The following CYP4V2 variants were observed in gnomAD, a reference collection of about 807,000 sequenced individuals.
The protein encoded by CYP4V2 is cytochrome P450 family 4 subfamily V member 2, also known as cytochrome P450 4V2.
CYP4V2 carries 55 observed loss-of-function variants against 60.8 expected under a neutral mutation model. That is an observed-to-expected ratio of 0.90 (90% CI 0.73 to 1.13). The LOEUF (loss-of-function observed/expected upper bound fraction) is 1.13, where lower values mean the gene tolerates loss of function less well. CYP4V2 is among the 50% of genes most tolerant of loss of function. The pLI is 0.00. For missense variants in CYP4V2, 675 were observed against 662.9 expected (o/e 1.02, Z -0.20); for synonymous variants, 239 against 236.8 (o/e 1.01, Z -0.08).
chr4:186,200,230 C>T (rs1736267499), intron 6 of CYP4V2, among the ~76,000 whole-genome samples: 1 of 151,954 alleles, frequency 6.6e-6, no homozygotes, highest in Non-Finnish European at 1.5e-5. Flanking sequence ...GGTGTTTTGC[C>T]CTCAAATTGC....
intron 8 of CYP4V2, among the ~76,000 whole-genome samples, chr4:186,207,259 A>C (rs949158321): frequency 3.4e-4 from 52 of 151,758 alleles, no homozygotes; most frequent in Non-Finnish European, 5.2e-4. Context: ...ATACAAAAAA[A>C]TTAGCCGGGC....
At chr4:186,199,924 T>TG (rs984856114) in intron 6 of CYP4V2, among the ~76,000 whole-genome samples, 2 of 152,226 alleles carry the variant, frequency 1.3e-5, no homozygotes, top group Admixed American at 6.5e-5. Flanking sequence ...TATGTCCTTG[T>TG]GGTGAAGTAC....
intron 2 of CYP4V2, 140 bp downstream of exon 2, chr4:186,194,752 G>A: frequency 2.6e-6 from 2 of 771,614 alleles, no homozygotes; most frequent in South Asian, 3.2e-5. Flanking sequence ...GACTATATAG[G>A]TGCAATTTAA....
intron 1 of CYP4V2, 152 bp downstream of exon 1, chr4:186,192,189 C>T (rs2126579149): frequency 1.0e-6 from 1 of 1,004,688 alleles, no homozygotes; most frequent in Middle Eastern, 2.0e-4. Flanking sequence ...TAGTCGTTGC[C>T]CCTTGGCACC....
intron 7 of CYP4V2, chr4:186,204,875 G>A (rs1260376555): frequency 5.1e-6 from 2 of 394,402 alleles, no homozygotes; most frequent in Non-Finnish European, 9.7e-6. Context: ...AAGCAGGCTC[G>A]TGAAAATCAG....
intron 8 of CYP4V2, among the ~76,000 whole-genome samples, chr4:186,208,127 G>T (rs1579975549): frequency 6.7e-6 from 1 of 148,300 alleles, no homozygotes; most frequent in Non-Finnish European, 1.5e-5. Context: ...TTCTTTGAAG[G>T]GTATTTGATG....
intron 7 of CYP4V2, chr4:186,202,059 G>C (rs1229656395): frequency 2.0e-5 from 3 of 152,308 alleles, no homozygotes; most frequent in Non-Finnish European, 2.9e-5. Flanking sequence ...GGCAGTGCCA[G>C]TGTCCTGCAC....
chr4:186,210,434 A>G (rs768417076), intron 10 of CYP4V2, 35 bp from the exon 11 acceptor site: 63 of 1,613,752 alleles, frequency 3.9e-5, no homozygotes, highest in South Asian at 8.8e-5. Context: ...GGGTAAATCT[A>G]TAACTAAAGC....
In CYP4V2 at chr4:186,205,303, G is replaced by T. The variant is rs767672555; in HGVS notation, c.1090+1G>T. 4 of 1,614,010 alleles carry T rather than the reference G, an allele frequency of 2.5e-6. No individual in the cohort carries two copies. Among genetic ancestry groups the T allele is most frequent in the South Asian group, 2.2e-5 (2 of 91,088 alleles). The stretch of plus-strand genomic sequence containing the variant: ...GATCATGAATTGGATGACGTGTTTG[G>T]TATGTTTGGCCCCTTCACTGGTTAT... On this transcript the variant is annotated splice_donor_variant, in intron 8 of 10. Transcript: ENST00000378802. LOFTEE classifies it high-confidence loss of function.
In CYP4V2 at chr4:186,212,603, A is replaced by C. The variant is rs1736761895; in HGVS notation, c.*1962A>C. 1 of 152,256 alleles carries C rather than the reference A, an allele frequency of 6.6e-6. No homozygotes were observed. Among genetic ancestry groups the C allele is most frequent in the East Asian group, 1.9e-4 (1 of 5,202 alleles). 9.4% of individuals were successfully genotyped at this position (152,256 alleles called of 1,614,324 possible). A position where few individuals can be genotyped will look rare whatever the true frequency, so the allele number is the denominator to read the frequency against. On this transcript the variant is annotated 3_prime_UTR_variant, in exon 11 of 11. Coordinates refer to ENST00000378802, the MANE Select transcript of CYP4V2 (RefSeq NM_207352.4). ...TCCTCAGTAATCTCCAATCTCTCAT[A>C]GTGCCTCACAGGGTTGGTCAATGGC...
intron 1 of CYP4V2, among the ~76,000 whole-genome samples, chr4:186,192,760 G>A (rs1018629897): frequency 6.6e-6 from 1 of 152,176 alleles, no homozygotes; most frequent in African/African-American, 2.4e-5. Context: ...CAGGGAGGGC[G>A]AACTCGATCT....
chr4:186,207,927 A>T (rs1260057873), intron 8 of CYP4V2, among the ~76,000 whole-genome samples: 1 of 152,162 alleles, frequency 6.6e-6, no homozygotes, highest in Non-Finnish European at 1.5e-5. Context: ...TACTTGGCAC[A>T]TTGTCCATTT....
chr4:186,205,029 G>T, intron 7 of CYP4V2, 171 bp from the exon 8 acceptor site: 1 of 698,712 alleles, frequency 1.4e-6, no homozygotes, highest in South Asian at 1.6e-5. Context: ...CGCTTTGCAG[G>T]CTTGTTTCCT....
intron 6 of CYP4V2, 128 bp from the exon 7 acceptor site, chr4:186,201,029 T>G: frequency 1.1e-6 from 1 of 943,602 alleles, no homozygotes. Flanking sequence ...AGAGCCTATG[T>G]TGTCGAAATG....
At chr4:186,207,996 C>A (rs1169351511) in intron 8 of CYP4V2, among the ~76,000 whole-genome samples, 1 of 152,218 alleles carries the variant, frequency 6.6e-6, no homozygotes, top group African/African-American at 2.4e-5. Context: ...TTAGCATCCC[C>A]TGCCTTGATC....
At chr4:186,205,107 C>G in intron 7 of CYP4V2, 93 bp from the exon 8 acceptor site, 1 of 1,203,384 alleles carries the variant, frequency 8.3e-7, no homozygotes, top group East Asian at 2.3e-5. Context: ...GTGCAGTCAT[C>G]AAATCCAGAG....
intron 1 of CYP4V2, among the ~76,000 whole-genome samples, chr4:186,193,461 G>T (rs765507336): frequency 6.6e-6 from 1 of 152,116 alleles, no homozygotes; most frequent in Non-Finnish European, 1.5e-5. Flanking sequence ...ACAAATTCTG[G>T]ATTTTGGCAT....
chr4:186,197,621 G>A lies in CYP4V2; in HGVS notation c.674+19G>A. ...TTTATAGGTAAATGGAGTCCTTTCA[G>A]TTATTTTAACAATTATTATTGATTT... On this transcript the variant is annotated intron_variant, in intron 5 of 10. Transcript: ENST00000378802. 6.2e-7 allele frequency: 1 copy of A among 1,611,264 alleles called. No individual in the cohort carries two copies.
At chr4:186,198,482 A>G (rs72646265) in intron 5 of CYP4V2, among the ~76,000 whole-genome samples, 1,725 of 152,328 alleles carry the variant, frequency 0.011, 36 homozygotes, top group African/African-American at 0.04. Flanking sequence ...TTTCTGCTCT[A>G]TGGCTGGACA....
Sources: allele counts gnomAD v4.1 joint callset (sites outside exome capture counted in the v4.1 genomes callset), GRCh38; gene constraint gnomAD v4.1.1; transcripts MANE v1.5; gene names NCBI Gene and HGNC (gene_info 2026-07-23, HGNC 2026-07-21).